Variants in DGKH observed in about 807,000 individuals in gnomAD.
DGKH encodes the protein diacylglycerol kinase eta, also known as DAG kinase eta.
Under a neutral mutation model 159.3 loss-of-function variants are expected in DGKH, and 90 were observed. That is an observed-to-expected ratio of 0.57 (90% CI 0.48 to 0.67). The LOEUF (loss-of-function observed/expected upper bound fraction) is 0.67, where lower values mean the gene tolerates loss of function less well. Among genes scored for constraint, DGKH ranks in the 30% least tolerant of loss-of-function variants. DGKH has a pLI of 0.00. For missense variants in DGKH, 1,181 were observed against 1,506.1 expected, an observed-to-expected ratio of 0.78 and a Z score of 3.57; for synonymous variants, 536 against 553.8, an observed-to-expected ratio of 0.97 and a Z score of 0.45.
chr13:42,047,657 G>A (rs1202049749), upstream of DGKH, among the ~76,000 whole-genome samples: 1 of 152,186 alleles, frequency 6.6e-6, no homozygotes, highest in South Asian at 2.1e-4. Context: ...CCAAGTGCCC[G>A]CGCAGCCAGC....
At chr13:42,100,167 C>T (rs1017737292) in intron 1 of DGKH, among the ~76,000 whole-genome samples, 1 of 152,236 alleles carries the variant, frequency 6.6e-6, no homozygotes, top group East Asian at 1.9e-4. Flanking sequence ...AGATCTGCAG[C>T]GGCATTAGAT....
At chr13:42,165,291 T>C in intron 7 of DGKH, 40 bp from the exon 8 acceptor site, 1 of 1,128,682 alleles carries the variant, frequency 8.9e-7, no homozygotes, top group Non-Finnish European at 1.2e-6. Flanking sequence ...GGCAGAACAT[T>C]ATTTTTATGA....
chr13:42,127,338 C>A, intron 1 of DGKH, 125 bp from the exon 2 acceptor site: 1 of 719,152 alleles, frequency 1.4e-6, no homozygotes, highest in Non-Finnish European at 2.3e-6. Flanking sequence ...AAAATATTCT[C>A]CTGTAATTTG....
rs1300064446 is a variant in DGKH at position 42,210,685 on chromosome 13, C to G, written c.2934C>G (p.Ile978Met). ...GKPVLRTHLY[I>M]HHAIDLATEE... Reference sequence around the variant, plus strand: ...CAGTTCTCCGAACCCATTTGTACATCCATCACGCCATTGACTTGGCAACAG... The same window carrying G: ...CAGTTCTCCGAACCCATTTGTACATGCATCACGCCATTGACTTGGCAACAG... Residue 978 changes from isoleucine to methionine, a missense_variant, in exon 24 of 30, where the codon ATC becomes ATG. By Grantham distance (10) the Ile-to-Met change is conservative (BLOSUM62 1). Transcript: ENST00000337343. 6.2e-7 allele frequency: 1 copy of G among 1,612,164 alleles called. No homozygotes were observed. The highest frequency in any genetic ancestry group is 1.1e-5 in the South Asian group (1 of 90,992).
intron 1 of DGKH, among the ~76,000 whole-genome samples, chr13:42,111,242 C>T (rs1054123163): frequency 6.6e-6 from 1 of 152,120 alleles, no homozygotes; most frequent in Non-Finnish European, 1.5e-5. Flanking sequence ...GGACAAAGTA[C>T]ATTAGCAATC....
chr13:42,134,913 G>A (rs900948081), intron 3 of DGKH, among the ~76,000 whole-genome samples: 2 of 152,082 alleles, frequency 1.3e-5, no homozygotes, highest in Non-Finnish European at 2.9e-5. Flanking sequence ...GGAAGCGGAG[G>A]TTGCAGTGAG....
In DGKH at chr13:42,235,176, A is replaced by G. The variant is rs948799246; in HGVS notation, c.*5988A>G. 3.3e-5 allele frequency: 5 copies of G among 152,202 alleles called. No individual in the cohort carries two copies. The highest frequency in any genetic ancestry group is 7.2e-5 in the African/African-American group (3 of 41,456). 9.4% of individuals were successfully genotyped at this position (152,202 alleles called of 1,614,324 possible). A position where few individuals can be genotyped will look rare whatever the true frequency, so the allele number is the denominator to read the frequency against. On this transcript the variant is annotated 3_prime_UTR_variant, in exon 30 of 30. Transcript: ENST00000337343. ...TTAAACTCTGTTCATGATAAACTCC[A>G]TATTACATAATATAGGTGAACAGAT...
Position 42,238,279 on chromosome 13 carries a change from GT to G in DGKH, c.*9094del, listed in dbSNP as rs1958457270. ...AGAAGTTCAAATTGATATCCCTGAT[GT>G]TTAATTTAAAAATGAAAGTAAAGTT... On this transcript the variant is annotated 3_prime_UTR_variant, in exon 30 of 30. Transcript: ENST00000337343. The G allele has an allele frequency of 6.6e-6, 1 of 152,126 alleles. No individual in the cohort carries two copies. Among genetic ancestry groups the G allele is most frequent in the Non-Finnish European group, 1.5e-5 (1 of 68,004 alleles). The allele number at this position is 152,126 out of a possible 1,614,324, so 9.4% of individuals were successfully genotyped here. A position where few individuals can be genotyped will look rare whatever the true frequency, so the allele number is the denominator to read the frequency against.
chr13:42,166,592 G>A lies in DGKH; in HGVS notation c.1036G>A (p.Gly346Arg). 6.2e-7 allele frequency: 1 copy of A among 1,608,852 alleles called. No individual in the cohort carries two copies. Among genetic ancestry groups the A allele is most frequent in the East Asian group, 2.2e-5 (1 of 44,582 alleles). ...CAATTCTAAGAGTGGAGATAATCAG[G>A]GAGTAAAGTTCCTCCGTCGCTTTAA... is the stretch of plus-strand genomic sequence containing the variant. ...FVNSKSGDNQ[G>R]VKFLRRFKQL... is the part of the protein sequence containing the mutation. The change falls in exon 9 of 30, where the codon GGA becomes AGA. Residue 346 changes from glycine (G) to arginine (R), a missense_variant. By Grantham distance (125) the Gly-to-Arg change is moderately radical. This residue lies in a region of DGKH where 369 missense variants were observed against 519.4 expected (regional missense o/e 0.71). Coordinates refer to ENST00000337343, the MANE Select transcript of DGKH (RefSeq NM_178009.5).
In DGKH at chr13:42,189,212, A is replaced by G. The variant is rs1260144986; in HGVS notation, c.1815A>G (p.Lys605=). Residue 605 remains lysine, a synonymous_variant, in exon 15 of 30, where the codon AAA becomes AAG. Transcript: ENST00000337343. ...AGCAGCTTGGGGATGACGTTACAAA[A>G]CCTTCCTCCCAGAAAGCCGTCAAAC... The part of the protein sequence containing the change: ...SKEQLGDDVT[K]PSSQKAVKPR... 1 of 1,614,190 alleles carries G rather than the reference A, an allele frequency of 6.2e-7. No homozygotes were observed. Among genetic ancestry groups the G allele is most frequent in the Admixed American group, 1.7e-5 (1 of 60,008 alleles).
At chr13:42,256,156 C>T in intron 30 of DGKH, 2 of 1,198,344 alleles carry the variant, frequency 1.7e-6, no homozygotes, top group Non-Finnish European at 2.5e-6. Flanking sequence ...TGGTTGTAGC[C>T]CAAGTCATGG....
intron 28 of DGKH, 82 bp from the exon 29 acceptor site, chr13:42,221,182 T>A (rs576508503): frequency 6.4e-7 from 1 of 1,557,386 alleles, no homozygotes; most frequent in South Asian, 1.2e-5. Flanking sequence ...GCACTCTGTT[T>A]TGCATCTTCT....
rs1958531132 is a variant in DGKH at position 42,242,389 on chromosome 13, T to C, written c.*13201T>C. ...TCTATCTATTTATTACACAGTGGGCTCTGTTTGCTGCAGAAAAGAGTGAAA... is the reference window on the plus strand; with the variant it reads ...TCTATCTATTTATTACACAGTGGGCCCTGTTTGCTGCAGAAAAGAGTGAAA... On this transcript the variant is annotated 3_prime_UTR_variant, in exon 30 of 30. Transcript: ENST00000337343. 1 of 152,232 alleles carries C rather than the reference T, an allele frequency of 6.6e-6. No homozygotes were observed. The highest frequency in any genetic ancestry group is 2.1e-4 in the South Asian group (1 of 4,828). The allele number at this position is 152,232 out of a possible 1,614,324, so 9.4% of individuals were successfully genotyped here.
chr13:42,152,949 T>TA (rs750729080), intron 3 of DGKH, among the ~76,000 whole-genome samples: 6 of 152,266 alleles, frequency 3.9e-5, no homozygotes, highest in Middle Eastern at 3.4e-3. Context: ...GGGGGTGTGT[T>TA]ACAATTAATG....
intron 1 of DGKH, among the ~76,000 whole-genome samples, chr13:42,076,589 G>A (rs1034755786): frequency 8.6e-5 from 13 of 152,014 alleles, no homozygotes. Context: ...TTCAAGTTTA[G>A]GTTAACCCCT....
chr13:42,141,028 C>CCATTAACTCGTCATTTACATTAGGTATCT lies in DGKH; in HGVS notation c.384+11397_384+11398insATTAACTCGTCATTTACATTAGGTATCTC, dbSNP rs55860412. ...CATGTGCCATGTTGGTGTGCTGAAC[C>CCATTAACTCGTCATTTACATTAGGTATCT]CTCCTAATGCTATCCCTCCCCCCTC... On this transcript the variant is annotated intron_variant, in intron 3 of 29. Transcript: ENST00000337343. 3.8e-5 allele frequency among the ~76,000 whole-genome samples: 2 copies of CCATTAACTCGTCATTTACATTAGGTATCT among 52,128 alleles called. 1 individual carries two copies. The highest frequency in any genetic ancestry group is 1.3e-4 in the African/African-American group (2 of 15,254). The allele number at this position is 52,128 out of a possible 152,430, so 34.2% of individuals were successfully genotyped here.
chr13:42,059,851 C>T (rs1415000769), intron 1 of DGKH, among the ~76,000 whole-genome samples: 1 of 151,326 alleles, frequency 6.6e-6, no homozygotes, highest in African/African-American at 2.4e-5. Flanking sequence ...TTGACCACAT[C>T]TTCTCACATC....
chr13:42,202,084 A>G (rs186311526), intron 20 of DGKH, among the ~76,000 whole-genome samples: 29 of 152,342 alleles, frequency 1.9e-4, no homozygotes, highest in Admixed American at 9.8e-4. Flanking sequence ...CTGAACCTTA[A>G]GTTAAGAACA....
At chr13:42,151,762 G>A (rs1345761757) in intron 3 of DGKH, among the ~76,000 whole-genome samples, 1 of 151,776 alleles carries the variant, frequency 6.6e-6, no homozygotes, top group Non-Finnish European at 1.5e-5. Context: ...ACATATAAGT[G>A]CAGGTATCTT....
Sources: allele counts gnomAD v4.1 joint callset (sites outside exome capture counted in the v4.1 genomes callset), GRCh38; gene constraint gnomAD v4.1.1; regional missense constraint gnomAD v4.1.1; transcripts MANE v1.5; gene names NCBI Gene and HGNC (gene_info 2026-07-23, HGNC 2026-07-21).